CDK6: variants seen among roughly 807,000 people sequenced by gnomAD.
The protein encoded by CDK6 is cyclin dependent kinase 6.
Under a neutral mutation model 37.1 loss-of-function variants are expected in CDK6, and 6 were observed. The observed-to-expected ratio is 0.16, with a 90% CI of 0.09 to 0.32. The LOEUF (loss-of-function observed/expected upper bound fraction) is 0.32. Among genes scored for constraint, CDK6 ranks in the 10% least tolerant of loss-of-function variants. CDK6 has a pLI of 1.00. For synonymous variants in CDK6, 160 were observed against 161.3 expected (o/e 0.99, Z 0.06); for missense variants, 224 against 418.9 (o/e 0.53, Z 4.06).
At chr7:92,620,671 G>GC (rs1387368350) in intron 6 of CDK6, among the ~76,000 whole-genome samples, 2 of 152,102 alleles carry the variant, frequency 1.3e-5, no homozygotes, top group African/African-American at 4.8e-5. Flanking sequence ...AGTTTGGAAG[G>GC]CCGAGGCAAG....
At chr7:92,655,966 G>A (rs1336079781) in intron 5 of CDK6, among the ~76,000 whole-genome samples, 1 of 152,136 alleles carries the variant, frequency 6.6e-6, no homozygotes, top group Non-Finnish European at 1.5e-5. Flanking sequence ...AATTTAATTT[G>A]GCAAGCAAAA....
At chr7:92,787,185 CAAAAAAA>C (rs761038672) in intron 2 of CDK6, among the ~76,000 whole-genome samples, 4 of 35,484 alleles carry the variant, frequency 1.1e-4, no homozygotes, top group Non-Finnish European at 2.0e-4. Context: ...GACTCCATCA[CAAAAAAA>C]AAAAAAAAAA....
intron 2 of CDK6, among the ~76,000 whole-genome samples, chr7:92,785,873 AAAG>A (rs1426460660): frequency 2.0e-5 from 3 of 152,248 alleles, no homozygotes; most frequent in Non-Finnish European, 2.9e-5. Flanking sequence ...GGGCTGAAAA[AAAG>A]AAGTTCAGAA....
intron 5 of CDK6, among the ~76,000 whole-genome samples, chr7:92,645,864 C>T (rs1796434457): frequency 6.6e-6 from 1 of 152,212 alleles, no homozygotes; most frequent in South Asian, 2.1e-4. Flanking sequence ...CTTTTGGCGG[C>T]TCACACCCCG....
rs540378375 is a variant in CDK6, at chr7:92,630,747, T to C, written c.648-7661A>G. Among the ~76,000 whole-genome samples, 4 of 152,276 alleles carry C rather than the reference T, an allele frequency of 2.6e-5. No individual in the cohort carries two copies. The South Asian group carries it at 8.3e-4, about 32-fold the overall frequency. On this transcript the variant is annotated intron_variant, in intron 5 of 7. Transcript: ENST00000424848. ...GAGCTTGGATAACCCTTCTGCTCCCTTGTGGAAATTCTAGCTTTAATACTC... is the reference window on the plus strand; with the variant it reads ...GAGCTTGGATAACCCTTCTGCTCCCCTGTGGAAATTCTAGCTTTAATACTC...
intron 5 of CDK6, among the ~76,000 whole-genome samples, chr7:92,649,099 T>C (rs1474561703): frequency 6.6e-6 from 1 of 152,100 alleles, no homozygotes; most frequent in Non-Finnish European, 1.5e-5. Flanking sequence ...TATATGTATA[T>C]ATCTTTGGAA....
At chr7:92,732,255 A>G (rs1221075362) in intron 3 of CDK6, among the ~76,000 whole-genome samples, 1 of 152,094 alleles carries the variant, frequency 6.6e-6, no homozygotes, top group East Asian at 1.9e-4. Flanking sequence ...CTGTCTCTAC[A>G]AAAAACAAAA....
At chr7:92,643,170 AGCCACCAC>A (rs1240386857) in intron 5 of CDK6, among the ~76,000 whole-genome samples, 2 of 152,182 alleles carry the variant, frequency 1.3e-5, no homozygotes, top group African/African-American at 2.4e-5. Flanking sequence ...TACAGGCTTG[AGCCACCAC>A]GCCCGGCCAA....
intron 4 of CDK6, among the ~76,000 whole-genome samples, chr7:92,706,405 A>T (rs1305565795): frequency 6.6e-6 from 1 of 152,206 alleles, no homozygotes; most frequent in Non-Finnish European, 1.5e-5. Context: ...CTGTCTTTTT[A>T]AAAAAGCTAA....
chr7:92,634,928 T>C (rs1004074974), intron 5 of CDK6, among the ~76,000 whole-genome samples: 3 of 152,114 alleles, frequency 2.0e-5, no homozygotes, highest in Admixed American at 6.6e-5. Context: ...AAGAGGGACA[T>C]GTGGGGGGAT....
intron 5 of CDK6, among the ~76,000 whole-genome samples, chr7:92,664,960 T>C (rs1332385236): frequency 6.6e-6 from 1 of 152,066 alleles, no homozygotes; most frequent in East Asian, 1.9e-4. Flanking sequence ...TAATTTTTTG[T>C]ATTTTTAATA....
chr7:92,690,010 C>T (rs1196833756), intron 4 of CDK6, among the ~76,000 whole-genome samples: 1 of 151,906 alleles, frequency 6.6e-6, no homozygotes, highest in Non-Finnish European at 1.5e-5. Flanking sequence ...CTTATAGATG[C>T]TCCATATTAG....
intron 5 of CDK6, among the ~76,000 whole-genome samples, chr7:92,660,921 C>G (rs961791416): frequency 7.9e-5 from 12 of 152,124 alleles, no homozygotes; most frequent in African/African-American, 2.7e-4. Flanking sequence ...CAGTTTGGCC[C>G]TGGAGCCCAT....
intron 2 of CDK6, among the ~76,000 whole-genome samples, chr7:92,828,287 G>A (rs1002116185): frequency 1.3e-4 from 20 of 151,998 alleles, no homozygotes; most frequent in African/African-American, 4.1e-4. Context: ...TTCATTTATC[G>A]TTATGTCATT....
At chr7:92,809,867 A>G (rs1231854696) in intron 2 of CDK6, among the ~76,000 whole-genome samples, 2 of 152,192 alleles carry the variant, frequency 1.3e-5, no homozygotes, top group African/African-American at 2.4e-5. Flanking sequence ...TGAAAAGAGA[A>G]ACCAGGAAGT....
At chr7:92,782,234 G>C (rs1010379462) in intron 2 of CDK6, among the ~76,000 whole-genome samples, 1 of 152,152 alleles carries the variant, frequency 6.6e-6, no homozygotes, top group East Asian at 1.9e-4. Flanking sequence ...CTATGTATTA[G>C]TACCAAATAA....
intron 2 of CDK6, among the ~76,000 whole-genome samples, chr7:92,785,484 A>C (rs1198095897): frequency 6.6e-6 from 1 of 152,144 alleles, no homozygotes; most frequent in Non-Finnish European, 1.5e-5. Context: ...TAGCTGTGCA[A>C]CTCAGTAAGT....
intron 3 of CDK6, among the ~76,000 whole-genome samples, chr7:92,752,470 TA>T (rs1799210940): frequency 6.6e-6 from 1 of 152,222 alleles, no homozygotes; most frequent in Non-Finnish European, 1.5e-5. Context: ...AATGAAATGC[TA>T]TACCAAATGC....
chr7:92,679,032 A>C (rs1038765830), intron 4 of CDK6, among the ~76,000 whole-genome samples: 3 of 152,200 alleles, frequency 2.0e-5, no homozygotes, highest in African/African-American at 7.2e-5. Flanking sequence ...AATGGTAATG[A>C]ACTGACTGCG....
Sources: allele counts gnomAD v4.1 joint callset (sites outside exome capture counted in the v4.1 genomes callset), GRCh38; gene constraint gnomAD v4.1.1; transcripts MANE v1.5; gene names NCBI Gene and HGNC (gene_info 2026-07-23, HGNC 2026-07-21).